The following HEMK2 variants were observed in gnomAD, a reference collection of about 807,000 sequenced individuals.
HEMK2 encodes the protein HemK methyltransferase 2, ETF1 glutamine and histone H4 lysine.
At chr21:28,605,170 C>T in the HEMK2 span, among the ~76,000 whole-genome samples, 2 of 152,204 alleles carry the variant, frequency 1.3e-5, no homozygotes, top group Non-Finnish European at 2.9e-5. Context: ...CATTTGGGAA[C>T]CAGAAGCTTT....
chr21:28,684,994 C>G, the HEMK2 span, among the ~76,000 whole-genome samples: 3 of 152,118 alleles, frequency 2.0e-5, no homozygotes, highest in Non-Finnish European at 2.9e-5. Flanking sequence ...TCTGCATGAA[C>G]CGAAGTCAAC....
chr21:28,730,047 G>C, the HEMK2 span, among the ~76,000 whole-genome samples: 1 of 152,024 alleles, frequency 6.6e-6, no homozygotes, highest in Non-Finnish European at 1.5e-5. Context: ...GTTATCTATT[G>C]CTTTGTAACA....
chr21:28,589,971 G>A, the HEMK2 span, among the ~76,000 whole-genome samples: 16 of 152,210 alleles, frequency 1.1e-4, no homozygotes, highest in African/African-American at 1.9e-4. Flanking sequence ...CTTCAGCTGC[G>A]ATATATCTTT....
chr21:28,841,143 TATAA>T, the HEMK2 span, among the ~76,000 whole-genome samples: 898 of 26,530 alleles, frequency 0.034, 206 homozygotes, highest in African/African-American at 0.11. Context: ...ATATAATTTA[TATAA>T]TTATAATTTA....
the HEMK2 span, among the ~76,000 whole-genome samples, chr21:28,788,195 T>C: frequency 2.7e-5 from 4 of 149,176 alleles, no homozygotes; most frequent in South Asian, 2.1e-4. Flanking sequence ...TATATACGTA[T>C]ATACGTATAT....
chr21:28,652,291 A>C, the HEMK2 span, among the ~76,000 whole-genome samples: 1 of 152,328 alleles, frequency 6.6e-6, no homozygotes, highest in Admixed American at 6.5e-5. Flanking sequence ...CGATTAGCCT[A>C]AGCCATTCTT....
At chr21:28,763,182 C>A in the HEMK2 span, among the ~76,000 whole-genome samples, 1 of 152,234 alleles carries the variant, frequency 6.6e-6, no homozygotes, top group Non-Finnish European at 1.5e-5. Context: ...GGGTAAGTCA[C>A]TCTGTATTAG....
At chr21:28,759,861 T>C in the HEMK2 span, among the ~76,000 whole-genome samples, 1 of 152,304 alleles carries the variant, frequency 6.6e-6, no homozygotes, top group East Asian at 1.9e-4. Context: ...GTGAGTCCCT[T>C]AAACCTCTTT....
the HEMK2 span, among the ~76,000 whole-genome samples, chr21:28,705,506 T>A: frequency 1.3e-5 from 2 of 152,166 alleles, no homozygotes; most frequent in African/African-American, 2.4e-5. Flanking sequence ...CTCTTATTAC[T>A]TGGTTAATAT....
the HEMK2 span, among the ~76,000 whole-genome samples, chr21:28,729,154 T>C: frequency 6.6e-6 from 1 of 152,218 alleles, no homozygotes; most frequent in Non-Finnish European, 1.5e-5. Context: ...CTGTCTCTAC[T>C]TCTCCCCAAA....
the HEMK2 span, chr21:28,882,911 T>C: frequency 4.9e-5 from 52 of 1,069,456 alleles, no homozygotes; most frequent in East Asian, 3.6e-4. Context: ...ATACTGTCTC[T>C]TTAAAAATTA....
At chr21:28,808,066 T>C in the HEMK2 span, among the ~76,000 whole-genome samples, 2 of 151,950 alleles carry the variant, frequency 1.3e-5, no homozygotes, top group South Asian at 2.1e-4. Flanking sequence ...TGAAACAAGA[T>C]TGCCCCCAAG....
chr21:28,757,257 A>C, the HEMK2 span, among the ~76,000 whole-genome samples: 1 of 152,238 alleles, frequency 6.6e-6, no homozygotes, highest in African/African-American at 2.4e-5. Flanking sequence ...ATTATGGTTA[A>C]ATTTTTTAAA....
chr21:28,665,443 T>A, the HEMK2 span, among the ~76,000 whole-genome samples: 1 of 90,360 alleles, frequency 1.1e-5, no homozygotes, highest in African/African-American at 4.6e-5. Context: ...CTCTGGGGAC[T>A]GTGGTGGGGT....
At chr21:28,656,719 A>ATT in the HEMK2 span, among the ~76,000 whole-genome samples, 1 of 152,104 alleles carries the variant, frequency 6.6e-6, no homozygotes, top group African/African-American at 2.4e-5. Flanking sequence ...AAAGGAGGCA[A>ATT]AGAGTCCACA....
chr21:28,686,209 G>GT, the HEMK2 span, among the ~76,000 whole-genome samples: 30 of 151,854 alleles, frequency 2.0e-4, no homozygotes, highest in African/African-American at 4.4e-4. Flanking sequence ...TTTGTTTTTT[G>GT]TTTTTTTGTT....
chr21:28,757,853 G>A, the HEMK2 span, among the ~76,000 whole-genome samples: 1 of 152,128 alleles, frequency 6.6e-6, no homozygotes, highest in African/African-American at 2.4e-5. Context: ...CTTTTCCTGG[G>A]TATAAGAGAC....
At chr21:28,691,525 T>A in the HEMK2 span, among the ~76,000 whole-genome samples, 1 of 152,142 alleles carries the variant, frequency 6.6e-6, no homozygotes, top group African/African-American at 2.4e-5. Flanking sequence ...CCTTGAAATC[T>A]GGCATGACAA....
the HEMK2 span, among the ~76,000 whole-genome samples, chr21:28,841,504 A>T: frequency 7.7e-6 from 1 of 130,026 alleles, no homozygotes; most frequent in Non-Finnish European, 1.6e-5. Flanking sequence ...TGAATGAATT[A>T]ACAGCATCTG....
Sources: gnomAD v4.1 joint callset for allele counts (sites outside exome capture counted in the v4.1 genomes callset) on GRCh38, gnomAD v4.1.1 for gene constraint, MANE v1.5 for transcripts, NCBI Gene and HGNC (gene_info 2026-07-23, HGNC 2026-07-21) for gene names.